Variants in ZNF131 observed in about 807,000 individuals in gnomAD.
ZNF131 encodes the protein zinc finger protein 131.
Under a neutral mutation model 60.0 loss-of-function variants are expected in ZNF131, and 7 were observed. The observed-to-expected ratio is 0.12, with a 90% CI of 0.07 to 0.22. The LOEUF is 0.22. ZNF131 is among the 10% of genes least tolerant of loss of function. ZNF131 has a pLI of 1.00. For missense variants in ZNF131, 493 were observed against 740.9 expected (o/e 0.67, Z 3.88); for synonymous variants, 257 against 253.2 (o/e 1.01, Z -0.14).
chr5:43,166,099 T>G (rs953952514), intron 5 of ZNF131, among the ~76,000 whole-genome samples: 1 of 152,236 alleles, frequency 6.6e-6, no homozygotes, highest in Non-Finnish European at 1.5e-5. Context: ...AGGCTTTGGC[T>G]AAAGGGAATG....
intron 3 of ZNF131, among the ~76,000 whole-genome samples, chr5:43,135,373 A>G (rs1284220501): frequency 2.0e-5 from 3 of 152,188 alleles, no homozygotes; most frequent in East Asian, 1.9e-4. Flanking sequence ...TATTGACACC[A>G]TAAAGAATAA....
chr5:43,160,494 C>CT (rs1481643280), intron 4 of ZNF131, among the ~76,000 whole-genome samples: 1 of 152,086 alleles, frequency 6.6e-6, no homozygotes, highest in Non-Finnish European at 1.5e-5. Context: ...AATGAGAAAT[C>CT]TTTCACTAAC....
At chr5:43,165,250 G>A (rs1453187675) in intron 5 of ZNF131, among the ~76,000 whole-genome samples, 5 of 147,852 alleles carry the variant, frequency 3.4e-5, no homozygotes, top group East Asian at 2.0e-4. Context: ...TCATTTTCTC[G>A]CAGTTCTAGA....
intron 3 of ZNF131, among the ~76,000 whole-genome samples, chr5:43,129,602 C>T (rs922067167): frequency 5.9e-5 from 9 of 152,090 alleles, no homozygotes; most frequent in Non-Finnish European, 1.3e-4. Flanking sequence ...TGACATAGCC[C>T]CATGTTAGCT....
chr5:43,136,376 A>G (rs1314992992), intron 3 of ZNF131, among the ~76,000 whole-genome samples: 2 of 151,114 alleles, frequency 1.3e-5, no homozygotes, highest in Non-Finnish European at 3.0e-5. Flanking sequence ...TTTTTGTTTT[A>G]TGGAAACAGG....
At chr5:43,155,725 T>A (rs1748880366) in intron 4 of ZNF131, among the ~76,000 whole-genome samples, 1 of 152,176 alleles carries the variant, frequency 6.6e-6, no homozygotes, top group African/African-American at 2.4e-5. Flanking sequence ...TACTGGGCTT[T>A]ATTTTTGTTG....
intron 3 of ZNF131, among the ~76,000 whole-genome samples, chr5:43,127,338 A>G (rs906328386): frequency 6.6e-6 from 1 of 152,220 alleles, no homozygotes. Flanking sequence ...AACTATATTT[A>G]AAAGTTCTCT....
Position 43,140,910 on chromosome 5 carries a change from G to A in ZNF131, c.371+1601G>A, listed in dbSNP as rs188179822. 2.1e-3 allele frequency among the ~76,000 whole-genome samples: 319 copies of A among 152,136 alleles called. 1 individual carries two copies. Among genetic ancestry groups the A allele is most frequent in the Non-Finnish European group, 4.0e-3 (269 of 67,996 alleles). ...TTTTCGTATTTTTAGTAGAGGTGGG[G>A]ATTTCGCCATGTTGCCCAGGCTGGT... On this transcript the variant is annotated intron_variant, in intron 4 of 6. Transcript: ENST00000682664.
rs1346856358 is a variant in ZNF131, at chr5:43,174,716, G to A, written c.1455G>A (p.Gln485=). 3 of 1,614,076 alleles carry A rather than the reference G, an allele frequency of 1.9e-6. No homozygotes were observed. The highest frequency in any genetic ancestry group is 2.5e-6 in the Non-Finnish European group (3 of 1,180,040). ...VGKVHVLPLL[Q]VQVDSAQVTV... ...AGGTGCATGTGCTACCATTGCTTCA[G>A]GTTCAGGTGGATTCAGCACAAGTGA... Residue 485 remains glutamine (Q), a synonymous_variant, in exon 7 of 7, where the codon CAG becomes CAA. Coordinates refer to ENST00000682664, the MANE Select transcript of ZNF131 (RefSeq NM_001330707.2).
At chr5:43,121,306 C>T (rs1743762488) in intron 1 of ZNF131, among the ~76,000 whole-genome samples, 183 bp downstream of exon 1, 1 of 152,194 alleles carries the variant, frequency 6.6e-6, no homozygotes, top group African/African-American at 2.4e-5. Flanking sequence ...ACTTAGGTTC[C>T]CAGCTTCTGG....
At chr5:43,162,301 A>G (rs1404046861) in intron 5 of ZNF131, among the ~76,000 whole-genome samples, 3 of 152,322 alleles carry the variant, frequency 2.0e-5, no homozygotes, top group Middle Eastern at 6.8e-3. Context: ...TTTACAAGCA[A>G]TCCCTGACAG....
intron 3 of ZNF131, among the ~76,000 whole-genome samples, chr5:43,134,698 T>C (rs953699955): frequency 5.1e-5 from 7 of 137,044 alleles, no homozygotes; most frequent in Non-Finnish European, 8.0e-5. Flanking sequence ...TTTTTCTTTT[T>C]TTTTTTTTTT....
chr5:43,149,105 C>T (rs1747976289), intron 4 of ZNF131, among the ~76,000 whole-genome samples: 1 of 152,168 alleles, frequency 6.6e-6, no homozygotes, highest in Non-Finnish European at 1.5e-5. Context: ...CATGGCGAAA[C>T]CCCGTCTGTA....
chr5:43,147,474 G>A (rs1747751080), intron 4 of ZNF131, among the ~76,000 whole-genome samples: 1 of 151,558 alleles, frequency 6.6e-6, no homozygotes, highest in South Asian at 2.1e-4. Context: ...CTAGAGTGCA[G>A]TGGCGTGATC....
intron 4 of ZNF131, among the ~76,000 whole-genome samples, chr5:43,160,677 A>ATTTTTTTTTTTT (rs1749569232): frequency 8.3e-6 from 1 of 121,082 alleles, no homozygotes. Context: ...TTAGCTTGGA[A>ATTTTTTTTTTTT]CTTTTTTTTT....
chr5:43,155,201 A>G (rs564597008), intron 4 of ZNF131, among the ~76,000 whole-genome samples: 8 of 152,250 alleles, frequency 5.3e-5, no homozygotes, highest in South Asian at 2.1e-4. Context: ...GGGGCCCACT[A>G]CTTTCTTAAG....
Position 43,123,167 on chromosome 5 carries a change from G to A in ZNF131, c.125-42G>A, listed in dbSNP as rs575173015. On this transcript the variant is annotated intron_variant, in intron 2 of 6. Coordinates refer to ENST00000682664, the MANE Select transcript of ZNF131 (RefSeq NM_001330707.2). ...TTTTGTAGTTATACATTTGATTTTC[G>A]TGCTTGTGTATGATTTTCTTTTTTT... The A allele has an allele frequency of 6.4e-4, 952 of 1,489,482 alleles. 15 individuals are homozygous for A. In the South Asian group the frequency reaches 0.011, roughly 17 times the overall value. The allele number at this position is 1,489,482 out of a possible 1,614,324, so 92.3% of individuals were successfully genotyped here.
intron 3 of ZNF131, among the ~76,000 whole-genome samples, chr5:43,134,379 AT>A (rs1247363590): frequency 6.6e-6 from 1 of 152,214 alleles, no homozygotes; most frequent in African/African-American, 2.4e-5. Context: ...TTATCTCAAC[AT>A]AATAAAGGCC....
chr5:43,122,743 A>G (rs1450533338), intron 2 of ZNF131, among the ~76,000 whole-genome samples: 1 of 152,234 alleles, frequency 6.6e-6, no homozygotes, highest in Non-Finnish European at 1.5e-5. Flanking sequence ...ACCTGTTTTT[A>G]AAATTATGGG....
Sources: gnomAD v4.1 joint callset for allele counts (sites outside exome capture counted in the v4.1 genomes callset) on GRCh38, gnomAD v4.1.1 for gene constraint, MANE v1.5 for transcripts, NCBI Gene and HGNC (gene_info 2026-07-23, HGNC 2026-07-21) for gene names.